Variants in RPH3A observed in about 807,000 individuals in gnomAD.
RPH3A encodes rabphilin-3A.
A neutral mutation model predicts 102.2 loss-of-function variants in RPH3A; 48 were observed. The observed-to-expected ratio is 0.47, with a 90% CI of 0.37 to 0.60. The LOEUF is 0.60. Ranked by LOEUF, RPH3A falls within the 20% of genes least tolerant of loss-of-function variation. The probability of loss-of-function intolerance (pLI) is 0.00; values close to 1 mark genes in which losing one functional copy is unlikely to be tolerated. For missense variants in RPH3A, 781 were observed against 910.1 expected (o/e 0.86, Z 1.83); for synonymous variants, 310 against 324.3 (o/e 0.96, Z 0.47).
chr12:112,865,474 C>T lies in RPH3A; in HGVS notation c.291C>T (p.Arg97=), dbSNP rs1349428103. 6.2e-7 allele frequency: 1 copy of T among 1,613,962 alleles called. No individual in the cohort carries two copies. Among genetic ancestry groups the T allele is most frequent in the African/African-American group, 1.3e-5 (1 of 74,900 alleles). The change falls in exon 6 of 22, where the codon CGC becomes CGT. Residue 97 remains arginine (R), a synonymous_variant. Transcript: ENST00000389385. ...ACGTGGCTGGAGATGGGGTGAACCG[C>T]TGCATACTGTGTGGAGAACAGCTGG... ...RKNVAGDGVN[R]CILCGEQLGM...
At chr12:112,765,437 A>G (rs1267006086) in intron 1 of RPH3A, among the ~76,000 whole-genome samples, 1 of 152,184 alleles carries the variant, frequency 6.6e-6, no homozygotes, top group Admixed American at 6.5e-5. Flanking sequence ...GTTCCCCACT[A>G]TACCTCACAG....
At chr12:112,870,069 T>G in intron 10 of RPH3A, 30 bp downstream of exon 10, 1 of 1,592,550 alleles carries the variant, frequency 6.3e-7, no homozygotes, top group Non-Finnish European at 8.5e-7. Flanking sequence ...CCAGAGACAG[T>G]TCTCTGGATA....
intron 1 of RPH3A, among the ~76,000 whole-genome samples, chr12:112,770,598 C>A (rs562261078): frequency 4.6e-5 from 7 of 152,290 alleles, no homozygotes; most frequent in Non-Finnish European, 7.4e-5. Flanking sequence ...CCTGCCTTGG[C>A]CTCCTAAAGT....
At chr12:112,721,933 A>G (rs1015453651) in intron 1 of RPH3A, among the ~76,000 whole-genome samples, 40 of 152,246 alleles carry the variant, frequency 2.6e-4, no homozygotes, top group Admixed American at 2.6e-3. Flanking sequence ...CTTATTAAGT[A>G]GAATAGAAAT....
chr12:112,580,504 C>T (rs927690296), intron 1 of RPH3A, among the ~76,000 whole-genome samples: 5 of 148,324 alleles, frequency 3.4e-5, no homozygotes, highest in Admixed American at 6.9e-5. Flanking sequence ...CCCGAGTTCG[C>T]GCCATTCTCC....
intron 5 of RPH3A, among the ~76,000 whole-genome samples, chr12:112,856,339 T>C (rs1273036158): frequency 1.3e-5 from 2 of 152,214 alleles, no homozygotes; most frequent in African/African-American, 4.8e-5. Flanking sequence ...GCATCAGAAA[T>C]AAGCAGAGGT....
intron 10 of RPH3A, chr12:112,873,735 G>A (rs1322506236): frequency 6.6e-6 from 1 of 152,216 alleles, no homozygotes; most frequent in African/African-American, 2.4e-5. Flanking sequence ...ACAATACCAT[G>A]CATGGCATTG....
At chr12:112,677,367 CTCCT>C (rs2040184161) in intron 1 of RPH3A, among the ~76,000 whole-genome samples, 1 of 58,440 alleles carries the variant, frequency 1.7e-5, no homozygotes, top group African/African-American at 7.0e-5. Flanking sequence ...CCCTCCCTCC[CTCCT>C]TCCCTTCCTC....
At chr12:112,579,293 T>TG (rs1245597420) in intron 1 of RPH3A, among the ~76,000 whole-genome samples, 1 of 152,144 alleles carries the variant, frequency 6.6e-6, no homozygotes, top group African/African-American at 2.4e-5. Context: ...CGATTCTGAG[T>TG]CCCATAGTGA....
At chr12:112,755,378 C>A (rs906715736) in intron 1 of RPH3A, among the ~76,000 whole-genome samples, 1 of 151,136 alleles carries the variant, frequency 6.6e-6, no homozygotes, top group African/African-American at 2.4e-5. Flanking sequence ...CATATGTGTC[C>A]GTTTAAGTAC....
chr12:112,836,566 T>TC (rs1252504886), intron 4 of RPH3A, 64 bp downstream of exon 4: 77 of 806,706 alleles, frequency 9.5e-5, no homozygotes, highest in Admixed American at 2.6e-4. Context: ...CTTTCTCTGA[T>TC]CAAGGTGGCT....
chr12:112,896,675 C>T lies in RPH3A; in HGVS notation c.1980C>T (p.Ala660=). 1 of 1,614,080 alleles carries T rather than the reference C, an allele frequency of 6.2e-7. No individual in the cohort carries two copies. The highest frequency in any genetic ancestry group is 8.5e-7 in the Non-Finnish European group (1 of 1,179,990). The change falls in exon 22 of 22, where the codon GCC becomes GCT. Residue 660 remains alanine, a synonymous_variant. Transcript: ENST00000389385. ...YIGGCQLGIS[A]KGERLKHWYE... is the part of the protein sequence containing the mutation. The stretch of plus-strand genomic sequence containing the variant: ...GAGGCTGCCAGCTGGGGATCTCTGC[C>T]AAGGGAGAGCGCTTAAAACACTGGT...
At chr12:112,733,884 G>T (rs2040650693) in intron 1 of RPH3A, among the ~76,000 whole-genome samples, 1 of 152,188 alleles carries the variant, frequency 6.6e-6, no homozygotes, top group African/African-American at 2.4e-5. Context: ...GAATAGGAGA[G>T]TGTAAAAGGT....
chr12:112,577,215 A>T (rs1198411326), intron 1 of RPH3A, among the ~76,000 whole-genome samples: 1 of 152,250 alleles, frequency 6.6e-6, no homozygotes, highest in African/African-American at 2.4e-5. Flanking sequence ...GAGCAGCAGC[A>T]TGGGCTGCGC....
intron 1 of RPH3A, among the ~76,000 whole-genome samples, chr12:112,642,461 C>A (rs1182473352): frequency 6.6e-6 from 1 of 152,190 alleles, no homozygotes. Context: ...TTTGGAGACA[C>A]ACTTACACTA....
At chr12:112,849,932 G>C (rs2042294955) in intron 5 of RPH3A, among the ~76,000 whole-genome samples, 1 of 152,214 alleles carries the variant, frequency 6.6e-6, no homozygotes, top group Non-Finnish European at 1.5e-5. Context: ...TGGCCACTGG[G>C]CTGCCTCTGG....
At chr12:112,627,903 G>A (rs2039777481) in intron 1 of RPH3A, among the ~76,000 whole-genome samples, 1 of 150,572 alleles carries the variant, frequency 6.6e-6, no homozygotes. Flanking sequence ...CATGGCTGGG[G>A]AAGCCTCAGG....
At chr12:112,831,731 C>A (rs2136159372) in intron 3 of RPH3A, 1 of 454,398 alleles carries the variant, frequency 2.2e-6, no homozygotes, top group Non-Finnish European at 4.4e-6. Flanking sequence ...TTGATTTATC[C>A]CTTGTTCTTG....
intron 1 of RPH3A, among the ~76,000 whole-genome samples, chr12:112,689,057 T>C (rs560299080): frequency 2.6e-5 from 4 of 152,356 alleles, no homozygotes; most frequent in South Asian, 4.1e-4. Flanking sequence ...ATTTTAATAA[T>C]AGAAATAATT....
Sources: gnomAD v4.1 joint callset for allele counts (sites outside exome capture counted in the v4.1 genomes callset) on GRCh38, gnomAD v4.1.1 for gene constraint, MANE v1.5 for transcripts, NCBI Gene and HGNC (gene_info 2026-07-23, HGNC 2026-07-21) for gene names.